PRDM16: variants seen among roughly 807,000 people sequenced by gnomAD.
The protein encoded by PRDM16 is PR/SET domain 16, also known as histone-lysine N-methyltransferase PRDM16.
Under a neutral mutation model 110.6 loss-of-function variants are expected in PRDM16, and 23 were observed. That is an observed-to-expected ratio of 0.21 (90% CI 0.15 to 0.29). The LOEUF (loss-of-function observed/expected upper bound fraction) is 0.29, where lower values mean the gene tolerates loss of function less well. Among genes scored for constraint, PRDM16 ranks in the 10% least tolerant of loss-of-function variants. The probability of loss-of-function intolerance (pLI) is 1.00; values close to 1 mark genes in which losing one functional copy is unlikely to be tolerated. For synonymous variants in PRDM16, 799 were observed against 781.8 expected (o/e 1.02, Z -0.37); for missense variants, 1,615 against 1,794.3 (o/e 0.90, Z 1.81).
rs1339816916 is a variant in PRDM16 at position 3,246,414 on chromosome 1, C to T, written c.438+2277C>T. On this transcript the variant is annotated intron_variant, in intron 3 of 16. Transcript: ENST00000270722. The surrounding 1 kb of genome is among the most constrained non-coding windows in gnomAD (Gnocchi z 5.2). The stretch of plus-strand genomic sequence containing the variant: ...ACGGAATCAGAGCAGACCCGATGCA[C>T]GAGACCCCCCACGGCACCGCCGCGA... Among the ~76,000 whole-genome samples, 2 of 152,174 alleles carry T rather than the reference C, an allele frequency of 1.3e-5. No individual in the cohort carries two copies. Among genetic ancestry groups the T allele is most frequent in the African/African-American group, 2.4e-5 (1 of 41,450 alleles).
chr1:3,278,302 G>A (rs749743016), intron 3 of PRDM16, among the ~76,000 whole-genome samples: 7 of 152,160 alleles, frequency 4.6e-5, no homozygotes, highest in South Asian at 2.1e-4. Flanking sequence ...ATAAAGGGGC[G>A]TCTTTCCTAG....
At chr1:3,097,745 G>C (rs762404544) in intron 1 of PRDM16, among the ~76,000 whole-genome samples, 2 of 152,188 alleles carry the variant, frequency 1.3e-5, no homozygotes, top group African/African-American at 4.8e-5. Flanking sequence ...GCCTGGGAAG[G>C]TTCCTCAGGA....
chr1:3,418,436 C>T (rs527671044), intron 11 of PRDM16, among the ~76,000 whole-genome samples: 121 of 152,290 alleles, frequency 7.9e-4, no homozygotes, highest in African/African-American at 2.6e-3. Context: ...GGGGCCGAGA[C>T]GCTTCAGGGG....
rs1287924559 is a variant in PRDM16 at position 3,359,971 on chromosome 1, C to T, written c.439-25181C>T. On this transcript the variant is annotated intron_variant, in intron 3 of 16. Transcript: ENST00000270722. This position sits in a 1 kb window ranked among gnomAD's most constrained non-coding sequence, Gnocchi z 4.3. ...CCGGCTCAGAACAGGTCCCTTCAGC[C>T]GGCTCAGCAGCCAGTGAGAAGCAAC... is the stretch of plus-strand genomic sequence containing the variant. 2.6e-5 allele frequency among the ~76,000 whole-genome samples: 4 copies of T among 152,246 alleles called. No individual in the cohort carries two copies. The highest frequency in any genetic ancestry group is 5.9e-5 in the Non-Finnish European group (4 of 68,054).
In PRDM16 at chr1:3,080,757, C is replaced by A. The variant is rs530068889; in HGVS notation, c.37+11461C>A. ...TTTCTGTTCCGAGGAACATGTTGGG[C>A]GGTTTCTTCCGGGCCGGGGAAATCT... On this transcript the variant is annotated intron_variant, in intron 1 of 16. Transcript: ENST00000270722. This position sits in a 1 kb window ranked among gnomAD's most constrained non-coding sequence, Gnocchi z 5.2. Among the ~76,000 whole-genome samples, 1 of 152,122 alleles carries A rather than the reference C, an allele frequency of 6.6e-6. No individual in the cohort carries two copies. Among genetic ancestry groups the A allele is most frequent in the East Asian group, 1.9e-4 (1 of 5,186 alleles).
rs1286102855 is a variant in PRDM16, at chr1:3,080,646, G to A, written c.37+11350G>A. ...TCCATTTTGCAAAAACGGGAGGCCCGGGCCCCTAAGCTTGCAGCCTGAGAA... is the reference window on the plus strand; with the variant it reads ...TCCATTTTGCAAAAACGGGAGGCCCAGGCCCCTAAGCTTGCAGCCTGAGAA... On this transcript the variant is annotated intron_variant, in intron 1 of 16. Transcript: ENST00000270722. The surrounding 1 kb of genome is among the most constrained non-coding windows in gnomAD (Gnocchi z 5.2). Among the ~76,000 whole-genome samples the A allele has an allele frequency of 2.6e-5, 4 of 152,094 alleles. No homozygotes were observed. Among genetic ancestry groups the A allele is most frequent in the Admixed American group, 6.6e-5 (1 of 15,266 alleles).
chr1:3,262,454 C>T (rs892216620), intron 3 of PRDM16, among the ~76,000 whole-genome samples: 4 of 152,210 alleles, frequency 2.6e-5, no homozygotes, highest in Admixed American at 6.5e-5. Context: ...CCCAAGGAAC[C>T]GGCTTCATTC....
chr1:3,302,796 G>A (rs560308317), intron 3 of PRDM16, among the ~76,000 whole-genome samples: 45 of 152,304 alleles, frequency 3.0e-4, no homozygotes, highest in East Asian at 1.2e-3. Context: ...GTCACAGTGC[G>A]AGAGCTGAGA....
At position 3,411,492 on chromosome 1, in the gene PRDM16, T is replaced by C; in HGVS notation, c.1295T>C (p.Phe432Ser). 6.2e-7 allele frequency: 1 copy of C among 1,614,156 alleles called. No homozygotes were observed. Among genetic ancestry groups the C allele is most frequent in the Non-Finnish European group, 8.5e-7 (1 of 1,180,020 alleles). Residue 432 changes from phenylalanine (F) to serine (S), a missense_variant, in exon 9 of 17, where the codon TTC (phenylalanine) becomes TCC (serine). By Grantham distance (155) the Phe-to-Ser change is radical. Coordinates refer to ENST00000270722, the MANE Select transcript of PRDM16 (RefSeq NM_022114.4). Reference protein sequence around the residue: ...QIKCKDCGQMFSTTSSLNKHR... With the variant: ...QIKCKDCGQMSSTTSSLNKHR... ...AAGTGCAAGGACTGTGGCCAGATGT[T>C]CAGCACTACCTCCTCCCTCAACAAG...
chr1:3,170,488 G>A (rs2100759074), intron 1 of PRDM16, among the ~76,000 whole-genome samples: 1 of 152,272 alleles, frequency 6.6e-6, no homozygotes, highest in African/African-American at 2.4e-5. Context: ...TCCAGGGAGG[G>A]TCCTCCTGGC....
intron 2 of PRDM16, 116 bp downstream of exon 2, chr1:3,186,590 G>A (rs945510121): frequency 7.0e-5 from 45 of 645,682 alleles, no homozygotes; most frequent in African/African-American, 1.3e-4. Flanking sequence ...CAGAGAGAGC[G>A]TTCAAATGTC....
intron 3 of PRDM16, among the ~76,000 whole-genome samples, chr1:3,333,122 C>T (rs899963606): frequency 6.6e-6 from 1 of 152,184 alleles, no homozygotes; most frequent in Non-Finnish European, 1.5e-5. Context: ...GCAGGTCACA[C>T]GGCCTTACTC....
chr1:3,116,761 C>CA (rs1326571349), intron 1 of PRDM16, among the ~76,000 whole-genome samples: 1 of 152,224 alleles, frequency 6.6e-6, no homozygotes, highest in Non-Finnish European at 1.5e-5. Context: ...CTGAAGCCCT[C>CA]ACCCCAGCAG....
At chr1:3,294,353 C>A (rs1454256816) in intron 3 of PRDM16, among the ~76,000 whole-genome samples, 1 of 152,150 alleles carries the variant, frequency 6.6e-6, no homozygotes, top group African/African-American at 2.4e-5. Flanking sequence ...TTCTCTCCAT[C>A]TTCTCACCAG....
intron 4 of PRDM16, 65 bp downstream of exon 4, chr1:3,385,351 G>C: frequency 6.4e-7 from 1 of 1,566,436 alleles, no homozygotes; most frequent in Admixed American, 1.7e-5. Context: ...GTGGCACCAA[G>C]ATTGGTGGAG....
At chr1:3,181,703 C>T (rs200928795) in intron 1 of PRDM16, among the ~76,000 whole-genome samples, 2,586 of 80,968 alleles carry the variant, frequency 0.032, 3 homozygotes, top group South Asian at 0.052. Context: ...GTCTTACACA[C>T]GGTCTTACAC....
chr1:3,376,457 G>A (rs1471875815), intron 3 of PRDM16, among the ~76,000 whole-genome samples: 2 of 152,050 alleles, frequency 1.3e-5, no homozygotes, highest in Non-Finnish European at 2.9e-5. Flanking sequence ...ATGCTCTTGG[G>A]GCTGTCTGAG....
At position 3,244,449 on chromosome 1, in the gene PRDM16, A is replaced by T. The variant is rs1214588649; in HGVS notation, c.438+312A>T. Among the ~76,000 whole-genome samples, 3 of 152,146 alleles carry T rather than the reference A, an allele frequency of 2.0e-5. No homozygotes were observed. Among genetic ancestry groups the T allele is most frequent in the Non-Finnish European group, 4.4e-5 (3 of 68,032 alleles). On this transcript the variant is annotated intron_variant, in intron 3 of 16. Transcript: ENST00000270722. This position sits in a 1 kb window ranked among gnomAD's most constrained non-coding sequence, Gnocchi z 4.1. ...GAAAGCTTCAGGCCACGCAGACAGG[A>T]AAATTAAATAAACGCAGGTTGTGTT...
At chr1:3,126,755 A>G (rs1643217174) in intron 1 of PRDM16, among the ~76,000 whole-genome samples, 1 of 152,196 alleles carries the variant, frequency 6.6e-6, no homozygotes. Context: ...GGCCTGGGAC[A>G]ATGAGGTGCC....
Sources: allele counts gnomAD v4.1 joint callset (sites outside exome capture counted in the v4.1 genomes callset), GRCh38; gene constraint gnomAD v4.1.1; non-coding constraint Gnocchi (gnomAD v3.1); transcripts MANE v1.5; gene names NCBI Gene and HGNC (gene_info 2026-07-23, HGNC 2026-07-21).